Variants in HIBCH observed in about 807,000 individuals in gnomAD.
HIBCH encodes the protein 3-hydroxyisobutyryl-CoA hydrolase, mitochondrial.
In HIBCH, 50 loss-of-function variants were observed where a neutral mutation model predicts 58.2. The ratio of observed to expected loss-of-function variants is 0.86; its 90% CI spans 0.68 to 1.09. The LOEUF (loss-of-function observed/expected upper bound fraction) is 1.09, where lower values mean the gene tolerates loss of function less well. HIBCH is among the 50% of genes least tolerant of loss of function. The pLI, the probability that HIBCH is intolerant of heterozygous loss-of-function variation, is 0.00. For synonymous variants in HIBCH, 151 were observed against 146.9 expected, an observed-to-expected ratio of 1.03 and a Z score of -0.20; for missense variants, 450 against 449.7, an observed-to-expected ratio of 1.00 and a Z score of -0.01.
At chr2:190,274,675 G>T (rs1199530534) in intron 6 of HIBCH, among the ~76,000 whole-genome samples, 3 of 152,126 alleles carry the variant, frequency 2.0e-5, no homozygotes, top group Admixed American at 6.6e-5. Context: ...TGTATACACA[G>T]AAGATTATCC....
intron 11 of HIBCH, among the ~76,000 whole-genome samples, chr2:190,224,297 C>T (rs1329986401): frequency 6.6e-6 from 1 of 152,126 alleles, no homozygotes; most frequent in Admixed American, 6.5e-5. Context: ...TCAAGGACGC[C>T]TGCCTGCCTC....
intron 1 of HIBCH, among the ~76,000 whole-genome samples, chr2:190,196,798 TTC>T (rs1413723455): frequency 6.6e-6 from 1 of 152,186 alleles, no homozygotes; most frequent in African/African-American, 2.4e-5. Context: ...ATTATCTGGC[TTC>T]TTTTGTGCTA....
In HIBCH at chr2:190,197,457, C is replaced by T. The variant is rs1367446520; in HGVS notation, c.*18-7460G>A. ...GATCCTTATCCTGGACATGCACATC[C>T]CAGTACCCTTGCCAAGTCTCATGCA... On this transcript the variant is annotated intron_variant, in intron 1 of 1. Coordinates refer to the HIBCH transcript ENST00000399855. The surrounding 1 kb of genome is among the most constrained non-coding windows in gnomAD (Gnocchi z 4.0). 6.6e-6 allele frequency among the ~76,000 whole-genome samples: 1 copy of T among 152,174 alleles called. No homozygotes were observed. The highest frequency in any genetic ancestry group is 2.4e-5 in the African/African-American group (1 of 41,432).
At chr2:190,278,535 T>C (rs1303731052) in intron 6 of HIBCH, among the ~76,000 whole-genome samples, 1 of 152,176 alleles carries the variant, frequency 6.6e-6, no homozygotes, top group Non-Finnish European at 1.5e-5. Flanking sequence ...CCCTCCAGGT[T>C]ACTCTGATAC....
At chr2:190,305,724 C>T (rs368112259) in intron 2 of HIBCH, among the ~76,000 whole-genome samples, 1 of 152,116 alleles carries the variant, frequency 6.6e-6, no homozygotes. Flanking sequence ...ATCTTTTTAA[C>T]TTTTCAATAG....
intron 1 of HIBCH, among the ~76,000 whole-genome samples, chr2:190,190,538 C>T (rs1689663130): frequency 2.0e-5 from 3 of 152,062 alleles, no homozygotes; most frequent in African/African-American, 7.2e-5. Flanking sequence ...TTTAAAATAC[C>T]TGTGTTTCCA....
chr2:190,317,113 G>A (rs553725955), intron 1 of HIBCH, among the ~76,000 whole-genome samples: 1 of 152,198 alleles, frequency 6.6e-6, no homozygotes, highest in South Asian at 2.1e-4. Flanking sequence ...TAGAAACGGG[G>A]TCTTGCTATG....
At position 190,290,503 on chromosome 2, in the gene HIBCH, C is replaced by T. The variant is rs760703674; in HGVS notation, c.305-18G>A. ...CGAGATCACTAGGAAGGAAAGATTACAAATAAAAAAAAAAAGATTTAATAG... is the reference window on the plus strand; with the variant it reads ...CGAGATCACTAGGAAGGAAAGATTATAAATAAAAAAAAAAAGATTTAATAG... On this transcript the variant is annotated intron_variant, in intron 4 of 13. Transcript: ENST00000359678. 6 of 1,482,630 alleles carry T rather than the reference C, an allele frequency of 4.0e-6. No homozygotes were observed. Among genetic ancestry groups the T allele is most frequent in the Non-Finnish European group, 5.6e-6 (6 of 1,073,194 alleles). 91.8% of individuals were successfully genotyped at this position (1,482,630 alleles called of 1,614,324 possible).
chr2:190,305,590 A>T (rs540783335), intron 2 of HIBCH, among the ~76,000 whole-genome samples: 7 of 152,242 alleles, frequency 4.6e-5, no homozygotes, highest in African/African-American at 1.7e-4. Context: ...TCACATTCTG[A>T]GGTACTGGGG....
At chr2:190,195,563 C>T (rs746211111) in intron 1 of HIBCH, among the ~76,000 whole-genome samples, 31 of 152,316 alleles carry the variant, frequency 2.0e-4, no homozygotes, top group Admixed American at 5.2e-4. Flanking sequence ...AGAAGACTTC[C>T]GTGAGGTGTC....
chr2:190,290,224 T>C (rs979625306), intron 5 of HIBCH, among the ~76,000 whole-genome samples, 181 bp downstream of exon 5: 1 of 152,188 alleles, frequency 6.6e-6, no homozygotes, highest in African/African-American at 2.4e-5. Flanking sequence ...AGCCTACTAA[T>C]ATTAAAGGGT....
intron 6 of HIBCH, among the ~76,000 whole-genome samples, chr2:190,274,965 T>C (rs1687508810): frequency 6.6e-6 from 1 of 152,234 alleles, no homozygotes; most frequent in African/African-American, 2.4e-5. Context: ...TCAGAGATGA[T>C]CCTGTATCTG....
chr2:190,295,966 T>G (rs1329554064), intron 3 of HIBCH, among the ~76,000 whole-genome samples: 2 of 152,186 alleles, frequency 1.3e-5, no homozygotes, highest in African/African-American at 2.4e-5. Flanking sequence ...CTGAGGAGAT[T>G]TGAGGTATGG....
intron 8 of HIBCH, chr2:190,250,462 T>G: frequency 2.2e-6 from 1 of 446,894 alleles, no homozygotes; most frequent in Non-Finnish European, 4.6e-6. Context: ...TTCCTCTTTT[T>G]CATATCCTCT....
chr2:190,277,489 A>C (rs1207388163), intron 6 of HIBCH, among the ~76,000 whole-genome samples: 1 of 152,204 alleles, frequency 6.6e-6, no homozygotes, highest in Non-Finnish European at 1.5e-5. Flanking sequence ...TATTGACCAG[A>C]ATCAAGCAAG....
At position 190,219,393 on chromosome 2, in the gene HIBCH, A is replaced by G. The variant is rs139049041; in HGVS notation, c.892-6318T>C. Reference sequence around the variant, plus strand: ...GTCAGCAAACCACAGAAAAAACAGGATATACTAGGCCCCTGTTTGGATAGC... The same window carrying G: ...GTCAGCAAACCACAGAAAAAACAGGGTATACTAGGCCCCTGTTTGGATAGC... On this transcript the variant is annotated intron_variant, in intron 11 of 13. Transcript: ENST00000359678. Among the ~76,000 whole-genome samples, 624 of 152,280 alleles carry G rather than the reference A, an allele frequency of 4.1e-3. 1 individual carries two copies. Among genetic ancestry groups the G allele is most frequent in the African/African-American group, 0.014 (578 of 41,552 alleles).
chr2:190,259,379 G>A (rs1242394197), intron 7 of HIBCH, among the ~76,000 whole-genome samples: 1 of 140,998 alleles, frequency 7.1e-6, no homozygotes, highest in Non-Finnish European at 1.5e-5. Flanking sequence ...CTGTCTGACT[G>A]ACATGGTCTG....
chr2:190,319,654 T>C lies in HIBCH; in HGVS notation c.35+62A>G. ...GGCCAGCAGTCTCCACCCCCGGCCC[T>C]TTTCCCACTGTGGCGAGTGCCGCTG... On this transcript the variant is annotated intron_variant, in intron 1 of 13. Transcript: ENST00000359678. 2.8e-6 allele frequency: 4 copies of C among 1,427,600 alleles called. No individual in the cohort carries two copies. The South Asian group carries it at 3.6e-5, about 13-fold the overall frequency. 88.4% of individuals were successfully genotyped at this position (1,427,600 alleles called of 1,614,324 possible).
At chr2:190,271,375 A>G (rs1687396732) in intron 6 of HIBCH, among the ~76,000 whole-genome samples, 1 of 138,218 alleles carries the variant, frequency 7.2e-6, no homozygotes, top group South Asian at 2.2e-4. Context: ...TGCAACCTCT[A>G]CCTCCCGGGT....
Sources: allele counts gnomAD v4.1 joint callset (sites outside exome capture counted in the v4.1 genomes callset), GRCh38; gene constraint gnomAD v4.1.1; non-coding constraint Gnocchi (gnomAD v3.1); transcripts MANE v1.5; gene names NCBI Gene and HGNC (gene_info 2026-07-23, HGNC 2026-07-21).